DAB1: variants seen among roughly 807,000 people sequenced by gnomAD.
DAB1 encodes disabled homolog 1.
DAB1 carries 15 observed loss-of-function variants against 64.6 expected under a neutral mutation model. That is an observed-to-expected ratio of 0.23 (90% CI 0.16 to 0.36). DAB1 has a LOEUF of 0.36. DAB1 is among the 10% of genes least tolerant of loss of function. The pLI is 1.00. For missense variants in DAB1, 596 were observed against 706.7 expected, an observed-to-expected ratio of 0.84 and a Z score of 1.78; for synonymous variants, 235 against 251.9, an observed-to-expected ratio of 0.93 and a Z score of 0.64.
chr1:57,178,975 A>G (rs769606325), intron 2 of DAB1, among the ~76,000 whole-genome samples: 7 of 152,156 alleles, frequency 4.6e-5, no homozygotes, highest in Non-Finnish European at 8.8e-5. Context: ...AAAGCAATGG[A>G]CTCACTTAGG....
intron 5 of DAB1, among the ~76,000 whole-genome samples, chr1:58,116,883 C>T (rs1328239563): frequency 6.6e-6 from 1 of 152,084 alleles, no homozygotes; most frequent in East Asian, 1.9e-4. Flanking sequence ...TTAAAAAATA[C>T]AAGTTACACA....
intron 6 of DAB1, among the ~76,000 whole-genome samples, chr1:57,683,993 T>G (rs1309869157): frequency 6.6e-6 from 1 of 152,100 alleles, no homozygotes; most frequent in Non-Finnish European, 1.5e-5. Context: ...AACAGCAGAA[T>G]AGATGACCAA....
intron 2 of DAB1, among the ~76,000 whole-genome samples, chr1:57,278,312 A>C (rs1671630541): frequency 6.6e-6 from 1 of 152,172 alleles, no homozygotes; most frequent in South Asian, 2.1e-4. Flanking sequence ...AAGTTATTGT[A>C]TTCCCTCCCT....
At chr1:57,048,852 T>C (rs1334469977) in intron 9 of DAB1, among the ~76,000 whole-genome samples, 2 of 152,244 alleles carry the variant, frequency 1.3e-5, no homozygotes, top group Admixed American at 1.3e-4. Flanking sequence ...GGGTGATCAC[T>C]GTTATTCAGA....
At chr1:57,004,219 C>G (rs2100229899) in intron 14 of DAB1, among the ~76,000 whole-genome samples, 2 of 152,332 alleles carry the variant, frequency 1.3e-5, no homozygotes, top group East Asian at 3.9e-4. Context: ...TTGCTTTCTT[C>G]TCCCAGCCCC....
chr1:57,865,672 G>A (rs766225267), intron 1 of DAB1, among the ~76,000 whole-genome samples: 9 of 151,998 alleles, frequency 5.9e-5, no homozygotes, highest in South Asian at 2.1e-4. Flanking sequence ...CCATCTGCTC[G>A]CGGCCGTGCT....
chr1:57,588,436 A>G (rs544281908), intron 7 of DAB1, among the ~76,000 whole-genome samples: 1 of 152,352 alleles, frequency 6.6e-6, no homozygotes, highest in South Asian at 2.1e-4. Context: ...CTATAAAATG[A>G]GTTTATTGTG....
chr1:58,440,205 C>A (rs1003627138), intron 3 of DAB1, among the ~76,000 whole-genome samples: 6 of 152,356 alleles, frequency 3.9e-5, no homozygotes, highest in Non-Finnish European at 7.3e-5. Flanking sequence ...TCATGCCGGG[C>A]TTCACCCTCT....
At chr1:58,472,195 C>T (rs1645366901) in intron 3 of DAB1, among the ~76,000 whole-genome samples, 1 of 152,124 alleles carries the variant, frequency 6.6e-6, no homozygotes, top group Admixed American at 6.5e-5. Context: ...GAAAAAGACA[C>T]CCTAGGTAGG....
intron 3 of DAB1, among the ~76,000 whole-genome samples, chr1:58,345,278 T>A (rs1483813380): frequency 6.6e-6 from 1 of 152,144 alleles, no homozygotes; most frequent in Non-Finnish European, 1.5e-5. Context: ...AACTGCAAGC[T>A]CATTTTTTCT....
chr1:57,904,311 T>C (rs1644518204), intron 5 of DAB1, among the ~76,000 whole-genome samples: 1 of 152,192 alleles, frequency 6.6e-6, no homozygotes, highest in South Asian at 2.1e-4. Flanking sequence ...TCTCCTTGAG[T>C]GTCTGGAAAA....
chr1:57,395,600 C>T (rs560351495), intron 1 of DAB1, among the ~76,000 whole-genome samples: 1 of 152,330 alleles, frequency 6.6e-6, no homozygotes, highest in Admixed American at 6.5e-5. Context: ...TGATCTGTAT[C>T]TGTGCTGTCC....
chr1:58,296,081 G>A (rs1284662215), intron 4 of DAB1, among the ~76,000 whole-genome samples: 10 of 123,252 alleles, frequency 8.1e-5, no homozygotes, highest in African/African-American at 2.6e-4. Flanking sequence ...GCAACAGAGC[G>A]AGACTCTGTC....
intron 2 of DAB1, among the ~76,000 whole-genome samples, chr1:57,194,269 T>A (rs905666372): frequency 6.6e-6 from 1 of 152,196 alleles, no homozygotes; most frequent in Non-Finnish European, 1.5e-5. Context: ...AATGTGGAAA[T>A]GCTTCTCAGA....
intron 4 of DAB1, among the ~76,000 whole-genome samples, chr1:58,173,386 A>C (rs1041982444): frequency 1.3e-5 from 2 of 152,140 alleles, no homozygotes; most frequent in Admixed American, 6.5e-5. Context: ...AAAAATCATC[A>C]TCTCTTCCCT....
intron 5 of DAB1, among the ~76,000 whole-genome samples, chr1:58,120,101 A>C (rs1249557549): frequency 6.6e-6 from 1 of 152,174 alleles, no homozygotes; most frequent in Admixed American, 6.5e-5. Flanking sequence ...TGTCCTGCAG[A>C]GATATCAACT....
chr1:58,263,988 G>A (rs186517601), intron 4 of DAB1, among the ~76,000 whole-genome samples: 68 of 152,290 alleles, frequency 4.5e-4, no homozygotes, highest in Non-Finnish European at 8.8e-5. Flanking sequence ...TATGTATAGT[G>A]TGCACTTATA....
chr1:57,860,256 A>G (rs560712357), intron 1 of DAB1, among the ~76,000 whole-genome samples: 21 of 152,316 alleles, frequency 1.4e-4, no homozygotes, highest in Non-Finnish European at 2.2e-4. Context: ...CCTTTCCATC[A>G]TATATTACAT....
At chr1:58,077,092 T>C (rs910973951) in intron 5 of DAB1, among the ~76,000 whole-genome samples, 1 of 152,086 alleles carries the variant, frequency 6.6e-6, no homozygotes, top group Non-Finnish European at 1.5e-5. Flanking sequence ...AGGCAGGGGC[T>C]GACTTTACCC....
Sources: gnomAD v4.1 joint callset for allele counts (sites outside exome capture counted in the v4.1 genomes callset) on GRCh38, gnomAD v4.1.1 for gene constraint, MANE v1.5 for transcripts, NCBI Gene and HGNC (gene_info 2026-07-23, HGNC 2026-07-21) for gene names.